The following DMD variants were observed in gnomAD, a reference collection of about 807,000 sequenced individuals.
DMD encodes mutant dystrophin.
DMD carries 63 observed loss-of-function variants against 330.1 expected under a neutral mutation model. The ratio of observed to expected loss-of-function variants is 0.19; its 90% CI spans 0.16 to 0.24. DMD has a LOEUF of 0.24. Ranked by LOEUF, DMD falls within the 10% of genes least tolerant of loss-of-function variation. The probability of loss-of-function intolerance (pLI) is 1.00; values close to 1 mark genes in which losing one functional copy is unlikely to be tolerated. For missense variants in DMD, 3,344 were observed against 2,684.1 expected (o/e 1.25, Z -5.43); for synonymous variants, 1,223 against 959.8 (o/e 1.27, Z -5.07).
intron 47 of DMD, among the ~76,000 whole-genome samples, chrX:31,905,063 C>G (rs1294456985): frequency 9.0e-6 from 1 of 111,316 alleles, no homozygotes; most frequent in African/African-American, 3.3e-5. Flanking sequence ...GTTTCAATGT[C>G]AGAAAGAAGA....
intron 1 of DMD, among the ~76,000 whole-genome samples, chrX:33,139,868 T>TAAAAAAAAAAAAAAA (rs3990971): frequency 7.8e-5 from 5 of 64,352 alleles, no homozygotes; most frequent in African/African-American, 4.0e-4. Context: ...GCCCCATCGC[T>TAAAAAAAAAAAAAAA]AAAAAAAAAA....
At chrX:32,659,695 G>C (rs1338898062) in intron 9 of DMD, among the ~76,000 whole-genome samples, 1 of 110,751 alleles carries the variant, frequency 9.0e-6, no homozygotes, top group South Asian at 3.8e-4. Flanking sequence ...ACCTTATACT[G>C]ATATGAGGAC....
At chrX:32,378,985 T>G (rs2147447633) in intron 34 of DMD, among the ~76,000 whole-genome samples, 1 of 108,906 alleles carries the variant, frequency 9.2e-6, no homozygotes, top group East Asian at 2.9e-4. Context: ...AGGGCATATA[T>G]TCTTTTATGA....
intron 50 of DMD, among the ~76,000 whole-genome samples, chrX:31,777,848 A>G (rs1308302992): frequency 2.7e-5 from 3 of 111,258 alleles, no homozygotes; most frequent in African/African-American, 9.8e-5. Flanking sequence ...TTTTTCCTGC[A>G]TTTCTCACAC....
chrX:31,211,557 C>T (rs183746532), intron 64 of DMD, among the ~76,000 whole-genome samples: 1 of 112,436 alleles, frequency 8.9e-6, no homozygotes, highest in African/African-American at 3.2e-5. Flanking sequence ...TTTTTCGAAT[C>T]ACTTTTGTAT....
At chrX:31,524,246 A>G (rs935579952) in intron 55 of DMD, among the ~76,000 whole-genome samples, 4 of 111,962 alleles carry the variant, frequency 3.6e-5, no homozygotes, top group African/African-American at 6.5e-5. Context: ...CTCTGAGTCA[A>G]TGAAGATTTT....
intron 44 of DMD, among the ~76,000 whole-genome samples, chrX:32,099,832 G>T (rs6653860): frequency 0.37 from 39,321 of 104,890 alleles, 7,238 homozygotes; most frequent in African/African-American, 0.67. Context: ...ACATGGCACA[G>T]GTATACATAT....
intron 1 of DMD, among the ~76,000 whole-genome samples, chrX:33,059,096 G>A (rs2094552432): frequency 9.0e-6 from 1 of 111,366 alleles, no homozygotes; most frequent in South Asian, 3.7e-4. Context: ...ATCAGTGTTT[G>A]ACTTTGTACT....
chrX:32,784,229 C>G (rs1406051471), intron 7 of DMD, among the ~76,000 whole-genome samples: 1 of 111,694 alleles, frequency 9.0e-6, no homozygotes, highest in African/African-American at 3.2e-5. Flanking sequence ...TTCTATAGCT[C>G]TCAAAAAGGT....
intron 29 of DMD, among the ~76,000 whole-genome samples, chrX:32,418,324 G>T (rs147929835): frequency 9.0e-6 from 1 of 111,134 alleles, no homozygotes; most frequent in African/African-American, 3.3e-5. Context: ...TCTAGAATGT[G>T]GTCCAGCAGA....
chrX:31,145,379 A>T (rs2036554179), intron 76 of DMD, among the ~76,000 whole-genome samples: 1 of 111,612 alleles, frequency 9.0e-6, no homozygotes, highest in African/African-American at 3.3e-5. Flanking sequence ...TTTCCAAGGC[A>T]CTGGATCGAA....
intron 44 of DMD, among the ~76,000 whole-genome samples, chrX:32,132,422 T>C (rs760866139): frequency 1.8e-5 from 2 of 111,814 alleles, no homozygotes; most frequent in Non-Finnish European, 3.8e-5. Flanking sequence ...TTTTTCTTAT[T>C]TGGTGAAATG....
At chrX:32,742,376 T>C (rs1483758238) in intron 7 of DMD, among the ~76,000 whole-genome samples, 1 of 111,728 alleles carries the variant, frequency 9.0e-6, no homozygotes, top group Non-Finnish European at 1.9e-5. Flanking sequence ...AGCCTAAGGA[T>C]TCCATGAGAA....
At chrX:31,342,117 A>G (rs1197575740) in intron 61 of DMD, among the ~76,000 whole-genome samples, 6 of 111,836 alleles carry the variant, frequency 5.4e-5, no homozygotes, top group Non-Finnish European at 1.1e-4. Context: ...AACTACTGGT[A>G]TAGATACTTT....
At chrX:32,407,158 C>T (rs758417690) in intron 30 of DMD, among the ~76,000 whole-genome samples, 1 of 111,304 alleles carries the variant, frequency 9.0e-6, no homozygotes, top group African/African-American at 3.3e-5. Context: ...TTCTGCACAG[C>T]AAAAGAAACT....
intron 44 of DMD, among the ~76,000 whole-genome samples, chrX:32,204,972 A>T (rs2097057474): frequency 3.0e-5 from 1 of 33,200 alleles, no homozygotes; most frequent in Non-Finnish European, 7.4e-5. Context: ...TAAACATCCA[A>T]GCCATCTCTC....
chrX:31,265,195 A>G (rs1342986993), intron 62 of DMD, among the ~76,000 whole-genome samples: 1 of 112,453 alleles, frequency 8.9e-6, no homozygotes, highest in Non-Finnish European at 1.9e-5. Context: ...TCTGGAGCCC[A>G]TTGATCCACA....
chrX:33,025,171 A>C (rs1361979549), intron 1 of DMD, among the ~76,000 whole-genome samples: 1 of 112,378 alleles, frequency 8.9e-6, no homozygotes, highest in African/African-American at 3.2e-5. Context: ...ATTTTGGAGA[A>C]GGTAATGGGT....
chrX:32,335,273 C>T (rs1468577569), intron 41 of DMD, among the ~76,000 whole-genome samples: 1 of 108,591 alleles, frequency 9.2e-6, no homozygotes, highest in African/African-American at 3.3e-5. Context: ...GTGATCCCTG[C>T]TGACTGTAAC....
Sources: allele counts gnomAD v4.1 joint callset (sites outside exome capture counted in the v4.1 genomes callset), GRCh38; gene constraint gnomAD v4.1.1; transcripts MANE v1.5; gene names NCBI Gene and HGNC (gene_info 2026-07-23, HGNC 2026-07-21).